The following RTN4 variants were observed in gnomAD, a reference collection of about 807,000 sequenced individuals.
The protein encoded by RTN4 is reticulon-4.
In RTN4, 32 loss-of-function variants were observed where a neutral mutation model predicts 90.4. The observed-to-expected ratio is 0.35, with a 90% CI of 0.27 to 0.48. The LOEUF is 0.48. Among genes scored for constraint, RTN4 ranks in the 20% least tolerant of loss-of-function variants. The pLI is 0.99. For missense variants in RTN4, 1,706 were observed against 1,430.2 expected (o/e 1.19, Z -3.11); for synonymous variants, 629 against 552.5 (o/e 1.14, Z -1.94).
chr2:54,983,321 TAATA>T (rs142672156), intron 4 of RTN4, among the ~76,000 whole-genome samples: 39,238 of 148,084 alleles, frequency 0.26, 5,497 homozygotes, highest in Non-Finnish European at 0.32. Context: ...ATTGTATTGG[TAATA>T]AATAAATAAA....
chr2:55,077,977 G>A (rs1268466740), intron 2 of RTN4, among the ~76,000 whole-genome samples: 2 of 151,770 alleles, frequency 1.3e-5, no homozygotes, highest in Non-Finnish European at 2.9e-5. Context: ...AAAGGCATAA[G>A]AATGATACCA....
intron 2 of RTN4, among the ~76,000 whole-genome samples, chr2:55,078,296 T>C (rs1668639993): frequency 6.6e-6 from 1 of 152,188 alleles, no homozygotes; most frequent in African/African-American, 2.4e-5. Flanking sequence ...TGGAATACAG[T>C]GGTGCAATCA....
intron 2 of RTN4, among the ~76,000 whole-genome samples, chr2:55,075,721 T>C (rs1278121408): frequency 6.6e-6 from 1 of 152,116 alleles, no homozygotes; most frequent in African/African-American, 2.4e-5. Flanking sequence ...CAAAACAGCA[T>C]AGTACTGGTA....
intron 5 of RTN4, among the ~76,000 whole-genome samples, chr2:54,978,035 T>A (rs1398427014): frequency 1.3e-5 from 2 of 152,192 alleles, no homozygotes; most frequent in Non-Finnish European, 2.9e-5. Flanking sequence ...CCTCCTTCAC[T>A]GCCCCCGCCA....
the RTN4 span, among the ~76,000 whole-genome samples, chr2:55,126,259 C>G: frequency 6.6e-6 from 1 of 151,796 alleles, no homozygotes; most frequent in African/African-American, 2.4e-5. Context: ...ATCTCAGCTA[C>G]TGGAGAGGCT....
At chr2:54,998,028 A>G (rs1679568559) in intron 3 of RTN4, among the ~76,000 whole-genome samples, 1 of 152,200 alleles carries the variant, frequency 6.6e-6, no homozygotes, top group African/African-American at 2.4e-5. Context: ...GTACTGATAC[A>G]TGTTACAACC....
intron 3 of RTN4, among the ~76,000 whole-genome samples, chr2:54,988,598 T>G (rs1678766082): frequency 1.3e-5 from 2 of 152,168 alleles, no homozygotes; most frequent in African/African-American, 4.8e-5. Flanking sequence ...TTAACCTGGC[T>G]ATCATTAAAA....
chr2:55,114,493 G>C (rs138268637), upstream of RTN4, among the ~76,000 whole-genome samples: 14 of 152,320 alleles, frequency 9.2e-5, no homozygotes, highest in Admixed American at 2.6e-4. Flanking sequence ...GAGGTCAGGA[G>C]TTCGAGACCA....
intron 1 of RTN4, among the ~76,000 whole-genome samples, chr2:55,105,374 C>T (rs754876486): frequency 1.3e-5 from 2 of 151,542 alleles, no homozygotes; most frequent in African/African-American, 2.4e-5. Context: ...GGATTACAGG[C>T]ATTTGCCACC....
the RTN4 span, among the ~76,000 whole-genome samples, chr2:55,126,140 G>C: frequency 6.6e-6 from 1 of 151,158 alleles, no homozygotes. Context: ...AAGGAGGGCA[G>C]ATCACCTGAG....
chr2:55,034,290 CT>C (rs1682529011), intron 1 of RTN4, among the ~76,000 whole-genome samples: 1 of 152,064 alleles, frequency 6.6e-6, no homozygotes, highest in African/African-American at 2.4e-5. Flanking sequence ...TGCTTGAGCC[CT>C]GGGGTACGAG....
At chr2:55,116,163 A>C (rs942527449), upstream of RTN4, among the ~76,000 whole-genome samples, 7 of 138,864 alleles carry the variant, frequency 5.0e-5, no homozygotes, top group African/African-American at 1.9e-4. Context: ...TCCTGGCCTC[A>C]AGCTATCCTC....
At chr2:55,023,063 TCTC>T (rs1443087504) in intron 3 of RTN4, among the ~76,000 whole-genome samples, 6 of 152,082 alleles carry the variant, frequency 3.9e-5, no homozygotes, top group East Asian at 1.9e-4. Context: ...GACCATCTAC[TCTC>T]CTCCTACCTC....
chr2:55,052,290 G>A (rs1440709383), upstream of RTN4, among the ~76,000 whole-genome samples: 3 of 152,194 alleles, frequency 2.0e-5, no homozygotes, highest in East Asian at 5.8e-4. Context: ...AATAATAATA[G>A]AGGAAACTGT....
chr2:55,005,047 G>A (rs551849495), intron 3 of RTN4, among the ~76,000 whole-genome samples: 21 of 152,278 alleles, frequency 1.4e-4, no homozygotes, highest in Non-Finnish European at 2.6e-4. Flanking sequence ...GAACAGGTAT[G>A]TTTAGAAAAC....
chr2:55,053,168 G>C (rs964978575), upstream of RTN4, among the ~76,000 whole-genome samples: 4 of 152,132 alleles, frequency 2.6e-5, no homozygotes, highest in Admixed American at 2.6e-4. Flanking sequence ...GATGAGTAAA[G>C]AGTTTGCCCA....
chr2:55,006,801 T>TC (rs1334272596), intron 3 of RTN4, among the ~76,000 whole-genome samples: 2 of 152,096 alleles, frequency 1.3e-5, no homozygotes, highest in Non-Finnish European at 2.9e-5. Flanking sequence ...GAAAATTCTT[T>TC]CCCCCCTTAG....
upstream of RTN4, among the ~76,000 whole-genome samples, chr2:55,053,620 G>A (rs1269267196): frequency 1.3e-5 from 2 of 151,642 alleles, no homozygotes; most frequent in African/African-American, 4.8e-5. Context: ...TGAGAGGCAG[G>A]GGTTGCAGTG....
At chr2:55,030,340 T>C (rs1422157470) in intron 1 of RTN4, among the ~76,000 whole-genome samples, 1 of 152,052 alleles carries the variant, frequency 6.6e-6, no homozygotes, top group Non-Finnish European at 1.5e-5. Context: ...AAAAGAAAAA[T>C]CTTCATTTTG....
Sources: allele counts gnomAD v4.1 joint callset (sites outside exome capture counted in the v4.1 genomes callset), GRCh38; gene constraint gnomAD v4.1.1; transcripts MANE v1.5; gene names NCBI Gene and HGNC (gene_info 2026-07-23, HGNC 2026-07-21).